Variants in EML1 observed in about 807,000 individuals in gnomAD.
EML1 encodes the protein echinoderm microtubule-associated protein-like 1.
Under a neutral mutation model 110.4 loss-of-function variants are expected in EML1, and 27 were observed. The observed-to-expected ratio is 0.24, with a 90% CI of 0.18 to 0.34. The LOEUF (loss-of-function observed/expected upper bound fraction) is 0.34. EML1 is among the 10% of genes least tolerant of loss of function. The pLI is 1.00. For missense variants in EML1, 741 were observed against 1,030.9 expected, an observed-to-expected ratio of 0.72 and a Z score of 3.85; for synonymous variants, 344 against 385.8, an observed-to-expected ratio of 0.89 and a Z score of 1.27.
intron 1 of EML1, among the ~76,000 whole-genome samples, chr14:99,780,355 T>C (rs2057526150): frequency 1.3e-5 from 2 of 152,078 alleles, no homozygotes. Context: ...CCTAAGCCTT[T>C]GGGGGTTCTC....
Position 99,793,413 on chromosome 14 carries a change from A to C in EML1, c.-64A>C, listed in dbSNP as rs930902244. Reference sequence around the variant, plus strand: ...CGCCGGTCGCGGTCGGGCTCAGCTCAGTGTGTGGTGAGCGGCGGCGGCGCG... The same window carrying C: ...CGCCGGTCGCGGTCGGGCTCAGCTCCGTGTGTGGTGAGCGGCGGCGGCGCG... On this transcript the variant is annotated 5_prime_UTR_variant, in exon 1 of 22. Transcript: ENST00000262233. The C allele has an allele frequency of 4.9e-6, 5 of 1,014,484 alleles. No homozygotes were observed. In the African/African-American group the frequency reaches 7.0e-5, roughly 14 times the overall value. The allele number at this position is 1,014,484 out of a possible 1,614,324, so 62.8% of individuals were successfully genotyped here.
intron 3 of EML1, among the ~76,000 whole-genome samples, chr14:99,875,677 A>C (rs1335050985): frequency 6.6e-6 from 1 of 152,220 alleles, no homozygotes; most frequent in Non-Finnish European, 1.5e-5. Flanking sequence ...CTGGTTGGGC[A>C]AAGTGTGCAT....
intron 2 of EML1, among the ~76,000 whole-genome samples, chr14:99,852,137 C>T (rs2058820451): frequency 6.6e-6 from 1 of 152,166 alleles, no homozygotes. Context: ...AATAAAACGC[C>T]TCCTAACAAT....
intron 1 of EML1, among the ~76,000 whole-genome samples, chr14:99,799,079 T>A (rs2057828266): frequency 1.3e-5 from 2 of 152,292 alleles, no homozygotes; most frequent in Non-Finnish European, 1.5e-5. Context: ...CTGGAGCGTA[T>A]CTGCCATGTC....
chr14:99,838,903 G>A (rs2058582385), intron 1 of EML1: 1 of 109,038 alleles, frequency 9.2e-6, no homozygotes, highest in Admixed American at 9.7e-5. Flanking sequence ...AAAGGTTGGG[G>A]AGTGCGCGCG....
In EML1 at chr14:99,938,014, T is replaced by C. The variant is rs2295787; in HGVS notation, c.2191+102T>C. 0.73 allele frequency: 901,454 copies of C among 1,231,912 alleles called. 331,950 individuals are homozygous for C. The highest frequency in any genetic ancestry group is 0.89 in the African/African-American group (60,191 of 67,348). The allele number at this position is 1,231,912 out of a possible 1,614,324, so 76.3% of individuals were successfully genotyped here. The stretch of plus-strand genomic sequence containing the variant: ...TCTCATGGTCACCAGTCTTGTCAGA[T>C]TGCTCGGCTGCTACGGGAGGCCCAT... On this transcript the variant is annotated intron_variant, in intron 20 of 21. Coordinates refer to ENST00000262233, the MANE Select transcript of EML1 (RefSeq NM_004434.3).
At position 99,914,312 on chromosome 14, in the gene EML1, C is replaced by G; in HGVS notation, c.1620+8C>G. On this transcript the variant is annotated splice_region_variant and intron_variant, in intron 14 of 21. Coordinates refer to ENST00000262233, the MANE Select transcript of EML1 (RefSeq NM_004434.3). ...TTCACACCCATTACTCAGGTACGAT[C>G]CCACTCAGCAGGCCCGGCAAACACT... The G allele has an allele frequency of 2.5e-6, 4 of 1,603,608 alleles. No homozygotes were observed. The highest frequency in any genetic ancestry group is 2.6e-6 in the Non-Finnish European group (3 of 1,171,706).
intron 9 of EML1, among the ~76,000 whole-genome samples, chr14:99,902,690 G>C (rs535476695): frequency 9.2e-5 from 14 of 152,344 alleles, no homozygotes; most frequent in African/African-American, 3.4e-4. Context: ...AGGAATCTCA[G>C]ATAAGACCTT....
Position 99,827,945 on chromosome 14 carries a change from T to C in EML1, c.68-22908T>C, listed in dbSNP as rs1445172578. Among the ~76,000 whole-genome samples the C allele has an allele frequency of 1.3e-5, 2 of 152,190 alleles. No individual in the cohort carries two copies. The highest frequency in any genetic ancestry group is 2.9e-5 in the Non-Finnish European group (2 of 68,036). ...TGGTGTATAATATGAACACTGTCTC[T>C]GCAGGATTCTTGCCTGTGAATGAAA... is the stretch of plus-strand genomic sequence containing the variant. On this transcript the variant is annotated intron_variant, in intron 1 of 21. Transcript: ENST00000262233. This position sits in a 1 kb window ranked among gnomAD's most constrained non-coding sequence, Gnocchi z 4.4.
intron 4 of EML1, among the ~76,000 whole-genome samples, chr14:99,884,628 C>T (rs757701750): frequency 4.6e-5 from 7 of 152,078 alleles, no homozygotes; most frequent in Non-Finnish European, 8.8e-5. Context: ...CATGAATAGG[C>T]AATCAAGCCC....
At chr14:99,767,326 G>A (rs571662189) in intron 1 of EML1, among the ~76,000 whole-genome samples, 5 of 152,198 alleles carry the variant, frequency 3.3e-5, no homozygotes, top group Admixed American at 6.5e-5. Context: ...GGCATTGGCC[G>A]GGCACGGTGG....
At position 99,939,367 on chromosome 14, in the gene EML1, G is replaced by A. The variant is rs773554866; in HGVS notation, c.2322+40G>A. The A allele has an allele frequency of 1.2e-6, 2 of 1,611,674 alleles. No individual in the cohort carries two copies. Among genetic ancestry groups the A allele is most frequent in the South Asian group, 1.1e-5 (1 of 90,864 alleles). ...TCTTCACTAATCTTATCCCCCATGG[G>A]GCATGCACGTACACCCGACCTGTTT... is the stretch of plus-strand genomic sequence containing the variant. On this transcript the variant is annotated intron_variant, in intron 21 of 21. Transcript: ENST00000262233. This position sits in a 1 kb window ranked among gnomAD's most constrained non-coding sequence, Gnocchi z 4.2.
chr14:99,854,992 A>G (rs1391371963), intron 2 of EML1, among the ~76,000 whole-genome samples: 2 of 152,270 alleles, frequency 1.3e-5, no homozygotes, highest in South Asian at 2.1e-4. Context: ...CAACGGAGAA[A>G]AACTGGATAG....
intron 1 of EML1, among the ~76,000 whole-genome samples, chr14:99,801,390 C>T (rs992784854): frequency 2.0e-5 from 3 of 152,118 alleles, no homozygotes; most frequent in South Asian, 2.1e-4. Flanking sequence ...CCGAGGTGGG[C>T]GGATCATGAG....
At chr14:99,776,679 ATTCTAAT>A (rs1004398581) in intron 1 of EML1, among the ~76,000 whole-genome samples, 2 of 152,172 alleles carry the variant, frequency 1.3e-5, no homozygotes, top group African/African-American at 4.8e-5. Flanking sequence ...ACATAAGTGA[ATTCTAAT>A]TTGTCATCAC....
At chr14:99,768,360 G>T (rs142909402), upstream of EML1, among the ~76,000 whole-genome samples, 2 of 152,326 alleles carry the variant, frequency 1.3e-5, no homozygotes, top group African/African-American at 4.8e-5. Flanking sequence ...CGGAGCCGCT[G>T]TCTGAGCTGG....
chr14:99,825,061 G>A (rs764683334), intron 1 of EML1, among the ~76,000 whole-genome samples: 6 of 152,082 alleles, frequency 3.9e-5, no homozygotes, highest in Non-Finnish European at 7.4e-5. Flanking sequence ...TCAGCTCACT[G>A]CAACCTCTGC....
At chr14:99,922,509 G>A (rs902999350) in intron 17 of EML1, among the ~76,000 whole-genome samples, 8 of 151,812 alleles carry the variant, frequency 5.3e-5, no homozygotes, top group East Asian at 3.9e-4. Context: ...TTCATTTCTC[G>A]GGTAAATTCT....
At chr14:99,876,513 C>T (rs1178191150) in intron 3 of EML1, among the ~76,000 whole-genome samples, 3 of 152,186 alleles carry the variant, frequency 2.0e-5, no homozygotes, top group African/African-American at 7.2e-5. Flanking sequence ...GTGGTAGCTT[C>T]TCAGCCCACG....
Sources: allele counts gnomAD v4.1 joint callset (sites outside exome capture counted in the v4.1 genomes callset), GRCh38; gene constraint gnomAD v4.1.1; non-coding constraint Gnocchi (gnomAD v3.1); transcripts MANE v1.5; gene names NCBI Gene and HGNC (gene_info 2026-07-23, HGNC 2026-07-21).